COL4A6: variants seen among roughly 807,000 people sequenced by gnomAD.
COL4A6 encodes the protein collagen type IV alpha 6 chain.
Under a neutral mutation model 126.7 loss-of-function variants are expected in COL4A6, and 59 were observed. The ratio of observed to expected loss-of-function variants is 0.47; its 90% confidence interval spans 0.38 to 0.58. The LOEUF is 0.58. Among genes scored for constraint, COL4A6 ranks in the 20% least tolerant of loss-of-function variants. COL4A6 has a pLI of 0.00. For missense variants in COL4A6, 1,285 were observed against 1,337.3 expected, an observed-to-expected ratio of 0.96 and a Z score of 0.61; for synonymous variants, 547 against 496.6, an observed-to-expected ratio of 1.10 and a Z score of -1.35.
chrX:108,370,042 A>G (rs954373912), intron 2 of COL4A6, among the ~76,000 whole-genome samples: 4 of 112,289 alleles, frequency 3.6e-5, no homozygotes, highest in African/African-American at 1.3e-4. Context: ...GTTGAAGATC[A>G]CACAGCTAAA....
chrX:108,193,584 A>G (rs753742486), intron 17 of COL4A6, 44 bp downstream of exon 17: 1 of 1,048,927 alleles, frequency 9.5e-7, no homozygotes, highest in Non-Finnish European at 1.3e-6. Context: ...ATAGGATTTA[A>G]CTTCCTGTCT....
chrX:108,322,188 C>T (rs762149054), intron 2 of COL4A6, among the ~76,000 whole-genome samples: 46 of 111,515 alleles, frequency 4.1e-4, no homozygotes, highest in Non-Finnish European at 8.5e-4. Context: ...CACACACATA[C>T]ACACACACAA....
chrX:108,269,954 A>G (rs1489813366), intron 3 of COL4A6, among the ~76,000 whole-genome samples: 2 of 111,556 alleles, frequency 1.8e-5, no homozygotes, highest in Non-Finnish European at 3.8e-5. Flanking sequence ...AAAAAGGAGC[A>G]GGCCACAAGG....
At chrX:108,316,198 G>C (rs2038877097) in intron 2 of COL4A6, among the ~76,000 whole-genome samples, 1 of 111,977 alleles carries the variant, frequency 8.9e-6, no homozygotes, top group South Asian at 3.7e-4. Flanking sequence ...AGAAGCTTAG[G>C]TCACAGAAGA....
At chrX:108,161,383 G>C (rs1379743296) in intron 42 of COL4A6, among the ~76,000 whole-genome samples, 1 of 111,500 alleles carries the variant, frequency 9.0e-6, no homozygotes, top group Non-Finnish European at 1.9e-5. Context: ...GCCCAGAAAA[G>C]GATTTGGATT....
chrX:108,176,738 C>T, intron 28 of COL4A6, 103 bp downstream of exon 28: 2 of 907,461 alleles, frequency 2.2e-6, no homozygotes. Context: ...TGTCCAAGTC[C>T]CTCCCCATTT....
At chrX:108,390,477 G>T (rs777485167) in intron 2 of COL4A6, among the ~76,000 whole-genome samples, 1 of 108,015 alleles carries the variant, frequency 9.3e-6, no homozygotes, top group African/African-American at 3.4e-5. Flanking sequence ...ATTTCATTGA[G>T]TTGATCTTCA....
chrX:108,236,893 C>T (rs1288426342), intron 3 of COL4A6, among the ~76,000 whole-genome samples: 1 of 111,927 alleles, frequency 8.9e-6, no homozygotes, highest in East Asian at 2.8e-4. Context: ...TTGGCTTTCA[C>T]TGCACTATAC....
chrX:108,200,167 G>A (rs1374982254), intron 13 of COL4A6, among the ~76,000 whole-genome samples: 1 of 112,131 alleles, frequency 8.9e-6, no homozygotes, highest in Non-Finnish European at 1.9e-5. Context: ...TATAATGTGA[G>A]CTACTATGTT....
Position 108,213,236 on chromosome X carries a change from G to A in COL4A6, c.441+876C>T, listed in dbSNP as rs2035762217. 2.7e-5 allele frequency among the ~76,000 whole-genome samples: 3 copies of A among 112,254 alleles called. No homozygotes were observed. The Admixed American group carries it at 2.8e-4, about 11-fold the overall frequency. ...AGCTATAAAACATGTCTCATGAATG[G>A]AGTGATTTCTAGTTAAATATCTCAG... On this transcript the variant is annotated intron_variant, in intron 6 of 44. Coordinates refer to ENST00000334504, the MANE Select transcript of COL4A6 (RefSeq NM_033641.4).
chrX:108,210,376 T>C (rs1490748309), intron 7 of COL4A6, among the ~76,000 whole-genome samples: 1 of 112,185 alleles, frequency 8.9e-6, no homozygotes, highest in Non-Finnish European at 1.9e-5. Flanking sequence ...TGTGCCTTCA[T>C]CCCCAAAGAT....
chrX:108,262,732 G>A lies in COL4A6; in HGVS notation c.145-41358C>T, dbSNP rs138221773. Among the ~76,000 whole-genome samples, 430 of 110,875 alleles carry A rather than the reference G, an allele frequency of 3.9e-3. 1 individual carries two copies. The highest frequency in any genetic ancestry group is 0.014 in the African/African-American group (417 of 30,574). On this transcript the variant is annotated intron_variant, in intron 3 of 44. Coordinates refer to ENST00000334504, the MANE Select transcript of COL4A6 (RefSeq NM_033641.4). The stretch of plus-strand genomic sequence containing the variant: ...TATCTTTACCAGTTGCTTCAAAAGA[G>A]ACCAGTAGGACCAATCACGGATTGG...
At chrX:108,189,735 T>G (rs2034980668) in intron 20 of COL4A6, among the ~76,000 whole-genome samples, 1 of 112,058 alleles carries the variant, frequency 8.9e-6, no homozygotes. Context: ...GATGGAGCAA[T>G]GAGAAAGGAG....
intron 11 of COL4A6, 145 bp from the exon 12 acceptor site, chrX:108,204,557 C>A (rs1475019840): frequency 1.8e-6 from 1 of 564,438 alleles, no homozygotes. Flanking sequence ...GGAAACAAAA[C>A]TCTCACTGCC....
chrX:108,342,330 T>C lies in COL4A6; in HGVS notation c.64-31502A>G, dbSNP rs2039585473. Among the ~76,000 whole-genome samples, 3 of 112,378 alleles carry C rather than the reference T, an allele frequency of 2.7e-5. No individual in the cohort carries two copies. The South Asian group carries it at 1.1e-3, about 41-fold the overall frequency. ...GATGCTTAGCAATTATCTTTTCTTA[T>C]GCTAATTCAATAAATTGTATTCTAG... is the stretch of plus-strand genomic sequence containing the variant. On this transcript the variant is annotated intron_variant, in intron 2 of 44. Transcript: ENST00000334504.
At chrX:108,162,036 C>T (rs1327694142) in intron 41 of COL4A6, among the ~76,000 whole-genome samples, 1 of 112,291 alleles carries the variant, frequency 8.9e-6, no homozygotes, top group Non-Finnish European at 1.9e-5. Context: ...AGGGCAACGG[C>T]GAGCATCCCA....
chrX:108,377,941 CAAAAAAAAAAAAAAAAAAA>C lies in COL4A6; in HGVS notation c.63+59982_63+60000del, dbSNP rs745969449. On this transcript the variant is annotated intron_variant, in intron 2 of 44. Transcript: ENST00000334504. ...TGGGCGACAGAGCAAGACTCCGTCTCAAAAAAAAAAAAAAAAAAAAAAAAAAAGCTCTAACTCAACTTTC... is the reference window on the plus strand; with the variant it reads ...TGGGCGACAGAGCAAGACTCCGTCTCAAAAAAAAGCTCTAACTCAACTTTC... Among the ~76,000 whole-genome samples, 8 of 7,233 alleles carry C rather than the reference CAAAAAAAAAAAAAAAAAAA, an allele frequency of 1.1e-3. No homozygotes were observed. In the Admixed American group the frequency reaches 0.012, roughly 11 times the overall value. 6.3% of individuals were successfully genotyped at this position (7,233 alleles called of 115,157 possible).
In COL4A6 at chrX:108,161,666, A is replaced by G. The variant is rs1345971263; in HGVS notation, c.4286T>C (p.Leu1429Pro). Residue 1429 changes from leucine to proline, a missense_variant, in exon 42 of 45, where the codon CTT (leucine) becomes CCT (proline). Coordinates refer to ENST00000334504, the MANE Select transcript of COL4A6 (RefSeq NM_033641.4). Reference protein sequence around the residue: ...PSGLPGPPGALGDPGLPGLQG... With the variant: ...PSGLPGPPGAPGDPGLPGLQG... ...CAGTCCAGGCAGACCAGGATCACCA[A>G]GAGCCCCAGGTGGGCCTGGGAGCCC... is the stretch of plus-strand genomic sequence containing the variant. The G allele has an allele frequency of 8.3e-7, 1 of 1,197,797 alleles. No individual in the cohort carries two copies. The highest frequency in any genetic ancestry group is 3.0e-5 in the East Asian group (1 of 33,310).
chrX:108,416,581 A>T (rs942568008), intron 2 of COL4A6, among the ~76,000 whole-genome samples: 2 of 112,315 alleles, frequency 1.8e-5, no homozygotes, highest in Non-Finnish European at 3.8e-5. Flanking sequence ...ACTTTTAGAC[A>T]GTGTGTGATC....
Sources: gnomAD v4.1 joint callset for allele counts (sites outside exome capture counted in the v4.1 genomes callset) on GRCh38, gnomAD v4.1.1 for gene constraint, MANE v1.5 for transcripts, NCBI Gene and HGNC (gene_info 2026-07-23, HGNC 2026-07-21) for gene names.